Variants in DPRX observed in about 807,000 individuals in gnomAD.
DPRX encodes the protein divergent paired-related homeobox.
Under a neutral mutation model 8.4 loss-of-function variants are expected in DPRX, and 11 were observed. That is an observed-to-expected ratio of 1.31 (90% CI 0.82 to 2.17). DPRX has a LOEUF of 2.17. DPRX is among the 30% of genes most tolerant of loss of function. The pLI, the probability that DPRX is intolerant of heterozygous loss-of-function variation, is 0.00. For synonymous variants in DPRX, 72 were observed against 87.0 expected (o/e 0.83, Z 0.96); for missense variants, 211 against 236.7 (o/e 0.89, Z 0.71).
intron 1 of DPRX, 142 bp from the exon 2 acceptor site, chr19:53,634,389 C>T: frequency 1.0e-6 from 1 of 994,348 alleles, no homozygotes; most frequent in African/African-American, 1.6e-5. Flanking sequence ...TGAGATTGTG[C>T]CACTGCACTC....
the DPRX span, among the ~76,000 whole-genome samples, chr19:53,622,540 G>A: frequency 2.6e-5 from 4 of 152,198 alleles, no homozygotes; most frequent in Non-Finnish European, 5.9e-5. Flanking sequence ...CTGTGGTTGT[G>A]CAACTTCCTG....
chr19:53,601,685 T>G, the DPRX span, among the ~76,000 whole-genome samples: 1 of 151,988 alleles, frequency 6.6e-6, no homozygotes, highest in Non-Finnish European at 1.5e-5. Context: ...TTTCACCATG[T>G]TGGTCAGGCT....
the DPRX span, among the ~76,000 whole-genome samples, chr19:53,620,230 C>G: frequency 1.3e-5 from 2 of 152,048 alleles, no homozygotes; most frequent in African/African-American, 4.8e-5. Flanking sequence ...CCACCTTGCC[C>G]GGCTGTTTTT....
At chr19:53,631,223 G>A (rs544152754), upstream of DPRX, among the ~76,000 whole-genome samples, 2 of 151,592 alleles carry the variant, frequency 1.3e-5, no homozygotes, top group African/African-American at 2.4e-5. Flanking sequence ...CCTGAGAGGC[G>A]GAGGTTGCTG....
intron 1 of DPRX, among the ~76,000 whole-genome samples, chr19:53,633,497 GTATT>G (rs528878817): frequency 3.3e-5 from 5 of 151,720 alleles, no homozygotes; most frequent in African/African-American, 4.8e-5. Flanking sequence ...CCTTATTTAC[GTATT>G]TATTTATTTA....
upstream of DPRX, among the ~76,000 whole-genome samples, chr19:53,629,174 C>A (rs929331955): frequency 5.9e-5 from 9 of 151,330 alleles, no homozygotes; most frequent in African/African-American, 2.2e-4. Flanking sequence ...ATTAGCCAGG[C>A]GTGTTAGTGC....
chr19:53,628,316 C>G (rs1304414771), upstream of DPRX, among the ~76,000 whole-genome samples: 1 of 152,076 alleles, frequency 6.6e-6, no homozygotes, highest in Non-Finnish European at 1.5e-5. Context: ...GTGCTCTATC[C>G]TGAGCAACAG....
upstream of DPRX, among the ~76,000 whole-genome samples, chr19:53,631,774 AAAG>A (rs2091093653): frequency 6.6e-6 from 1 of 152,060 alleles, no homozygotes; most frequent in African/African-American, 2.4e-5. Context: ...AAAAAGAAAA[AAAG>A]AAAAGAAATT....
At chr19:53,629,149 A>G (rs566941858), upstream of DPRX, among the ~76,000 whole-genome samples, 2 of 151,594 alleles carry the variant, frequency 1.3e-5, no homozygotes, top group East Asian at 4.0e-4. Flanking sequence ...CCAGGTCTCT[A>G]CTAAAAATAC....
the DPRX span, chr19:53,608,222 T>A: frequency 1.7e-5 from 2 of 117,026 alleles, no homozygotes; most frequent in African/African-American, 3.8e-5. Context: ...AAATTAAAAT[T>A]AAAATTAAAA....
At chr19:53,636,819 A>G (rs748613654) in exon 3 of DPRX, 2 of 1,614,070 alleles carry the variant, frequency 1.2e-6, no homozygotes, top group Non-Finnish European at 8.5e-7. Context: ...CTGTACCCCA[A>G]CCTCAAGGTC....
chr19:53,607,775 C>G, the DPRX span, among the ~76,000 whole-genome samples: 2 of 151,816 alleles, frequency 1.3e-5, no homozygotes, highest in Admixed American at 1.3e-4. Flanking sequence ...CGCTTGAACC[C>G]GGGAGGCAGA....
chr19:53,618,615 T>TAA, the DPRX span, among the ~76,000 whole-genome samples: 16,604 of 102,502 alleles, frequency 0.16, 1,421 homozygotes, highest in Non-Finnish European at 0.2. Context: ...ACCCCATCTC[T>TAA]AAAAAAAAAA....
At chr19:53,630,710 T>A (rs1295912100), upstream of DPRX, among the ~76,000 whole-genome samples, 2 of 151,856 alleles carry the variant, frequency 1.3e-5, no homozygotes, top group Admixed American at 6.6e-5. Flanking sequence ...CAAGTAGAGA[T>A]GTGCAGAACT....
the DPRX span, among the ~76,000 whole-genome samples, chr19:53,624,737 G>A: frequency 2.7e-5 from 4 of 148,942 alleles, no homozygotes; most frequent in South Asian, 8.5e-4. Flanking sequence ...ACCTACTCGG[G>A]AAACTGAGGC....
At chr19:53,620,475 G>C in the DPRX span, among the ~76,000 whole-genome samples, 1 of 151,676 alleles carries the variant, frequency 6.6e-6, no homozygotes, top group South Asian at 2.1e-4. Flanking sequence ...AGATTCTCCT[G>C]CCTCAGCCTC....
chr19:53,614,815 T>C, the DPRX span, among the ~76,000 whole-genome samples: 16 of 151,886 alleles, frequency 1.1e-4, no homozygotes, highest in Non-Finnish European at 2.4e-4. Context: ...TGTCTAGGAT[T>C]AGGTAGGGTT....
the DPRX span, among the ~76,000 whole-genome samples, chr19:53,624,557 C>T: frequency 2.6e-5 from 4 of 151,912 alleles, no homozygotes; most frequent in South Asian, 2.1e-4. Flanking sequence ...GGATTACAGG[C>T]GTGAGCCACT....
At chr19:53,635,733 A>G (rs1330250694) in intron 2 of DPRX, among the ~76,000 whole-genome samples, 1 of 152,114 alleles carries the variant, frequency 6.6e-6, no homozygotes, top group Non-Finnish European at 1.5e-5. Context: ...ACACACATAC[A>G]ACACAAAATA....
Sources: allele counts gnomAD v4.1 joint callset (sites outside exome capture counted in the v4.1 genomes callset), GRCh38; gene constraint gnomAD v4.1.1; transcripts MANE v1.5; gene names NCBI Gene and HGNC (gene_info 2026-07-23, HGNC 2026-07-21).